Variants in ADAMTS17 observed in about 807,000 individuals in gnomAD.
The protein encoded by ADAMTS17 is A disintegrin and metalloproteinase with thrombospondin motifs 17.
ADAMTS17 carries 113 observed loss-of-function variants against 141.5 expected under a neutral mutation model. The ratio of observed to expected loss-of-function variants is 0.80; its 90% CI spans 0.69 to 0.93. ADAMTS17 has a LOEUF of 0.93. ADAMTS17 is among the 40% of genes least tolerant of loss of function. The probability of loss-of-function intolerance (pLI) is 0.00; values close to 1 mark genes in which losing one functional copy is unlikely to be tolerated. For synonymous variants in ADAMTS17, 768 were observed against 630.6 expected, an observed-to-expected ratio of 1.22 and a Z score of -3.27; for missense variants, 1,659 against 1,517.9, an observed-to-expected ratio of 1.09 and a Z score of -1.54.
intron 18 of ADAMTS17, among the ~76,000 whole-genome samples, chr15:100,027,043 T>C (rs1419340093): frequency 2.6e-5 from 4 of 152,212 alleles, no homozygotes; most frequent in Non-Finnish European, 5.9e-5. Flanking sequence ...AAGTGGAGAA[T>C]ACAGGTGAAG....
chr15:100,048,283 TCA>T (rs1374932228), intron 18 of ADAMTS17, among the ~76,000 whole-genome samples: 3 of 152,096 alleles, frequency 2.0e-5, no homozygotes, highest in African/African-American at 7.2e-5. Context: ...CTAAAATGAC[TCA>T]AAAAGAGGAG....
chr15:99,976,085 G>C lies in ADAMTS17; in HGVS notation c.3087C>G (p.Asn1029Lys), dbSNP rs543118609. 1.3e-6 allele frequency: 2 copies of C among 1,551,748 alleles called. No individual in the cohort carries two copies. Among genetic ancestry groups the C allele is most frequent in the East Asian group, 4.9e-5 (2 of 40,948 alleles). Reference sequence around the variant, plus strand: ...TGATGGTGTTGGCGTTGATCCTGTCGTTGCAGACCTCCTGGTAGCACTGTC... The same window carrying C: ...TGATGGTGTTGGCGTTGATCCTGTCCTTGCAGACCTCCTGGTAGCACTGTC... ...PYRQCYQEVCNDRINANTITS... is the reference protein window; with the variant it reads ...PYRQCYQEVCKDRINANTITS... The change falls in exon 21 of 22, where the codon AAC (asparagine) becomes AAG (lysine). Residue 1029 changes from asparagine (N) to lysine (K), a missense_variant. Asn to Lys is a moderately conservative substitution (Grantham distance 94). Coordinates refer to ENST00000268070, the MANE Select transcript of ADAMTS17 (RefSeq NM_139057.4).
chr15:100,150,699 T>C (rs1364629241), intron 10 of ADAMTS17, among the ~76,000 whole-genome samples: 1 of 152,084 alleles, frequency 6.6e-6, no homozygotes, highest in Non-Finnish European at 1.5e-5. Context: ...TCCTGCCCTG[T>C]AGGGCCAGCT....
chr15:100,087,099 C>G (rs1185866716), intron 15 of ADAMTS17, among the ~76,000 whole-genome samples: 3 of 152,036 alleles, frequency 2.0e-5, no homozygotes, highest in South Asian at 2.1e-4. Flanking sequence ...ACTAGCAAGA[C>G]TAATAAAGAA....
chr15:100,068,023 T>C (rs908638803), intron 15 of ADAMTS17, among the ~76,000 whole-genome samples: 1 of 152,118 alleles, frequency 6.6e-6, no homozygotes, highest in African/African-American at 2.4e-5. Flanking sequence ...GGGTGACAGA[T>C]GGCACCTGGA....
rs939436149 is a variant in ADAMTS17 at position 100,015,900 on chromosome 15, TG to T, written c.2592-18312del. On this transcript the variant is annotated intron_variant, in intron 18 of 21. Transcript: ENST00000268070. ...ACGTGTTCCTTGTGCTTCTTGTATT[TG>T]GATGTCTAGGTCTCTAGCAAGGCTG... Among the ~76,000 whole-genome samples the T allele has an allele frequency of 5.8e-4, 88 of 152,376 alleles. 2 individuals carry two copies. Among genetic ancestry groups the T allele is most frequent in the Admixed American group, 5.0e-3 (77 of 15,310 alleles).
Position 100,341,100 on chromosome 15 carries a change from C to G in ADAMTS17, c.389G>C (p.Arg130Pro). 1 of 1,514,058 alleles carries G rather than the reference C, an allele frequency of 6.6e-7. No homozygotes were observed. Among genetic ancestry groups the G allele is most frequent in the East Asian group, 2.6e-5 (1 of 38,970 alleles). 93.8% of individuals were successfully genotyped at this position (1,514,058 alleles called of 1,614,324 possible). ...RPAELCFYSG[R>P]VLGHPGSLVS... is the part of the protein sequence containing the mutation. ...GAGGGAGCCGGGGTGGCCGAGCACA[C>G]GGCCCGAGTAGAAGCACAGCTCGGC... The change falls in exon 2 of 22, where the codon CGT (arginine) becomes CCT (proline). Residue 130 changes from arginine (R) to proline (P), a missense_variant. Transcript: ENST00000268070.
chr15:100,113,923 G>C (rs2036949897), intron 13 of ADAMTS17, among the ~76,000 whole-genome samples: 2 of 152,230 alleles, frequency 1.3e-5, no homozygotes, highest in Non-Finnish European at 2.9e-5. Flanking sequence ...CCCATGGCCT[G>C]CTGGCCTGGG....
intron 18 of ADAMTS17, among the ~76,000 whole-genome samples, chr15:99,998,422 G>A (rs1045194859): frequency 4.6e-5 from 7 of 152,268 alleles, no homozygotes; most frequent in Admixed American, 2.0e-4. Context: ...GGCCAACATG[G>A]TGAAACCCCG....
intron 14 of ADAMTS17, among the ~76,000 whole-genome samples, chr15:100,097,858 G>A (rs562956666): frequency 6.6e-6 from 1 of 152,306 alleles, no homozygotes; most frequent in African/African-American, 2.4e-5. Context: ...TAATCCTCAG[G>A]TCTCATCCTC....
chr15:100,340,887 G>A (rs2046343266), intron 2 of ADAMTS17, 152 bp downstream of exon 2: 1 of 1,211,298 alleles, frequency 8.3e-7, no homozygotes, highest in Admixed American at 2.2e-5. Flanking sequence ...GGCCGGGGTG[G>A]GGGATGGGGA....
At chr15:100,196,523 T>C (rs1356728527) in intron 8 of ADAMTS17, among the ~76,000 whole-genome samples, 1 of 152,256 alleles carries the variant, frequency 6.6e-6, no homozygotes, top group East Asian at 1.9e-4. Context: ...AGCCACACCT[T>C]TGCGTGCTGT....
intron 9 of ADAMTS17, among the ~76,000 whole-genome samples, chr15:100,154,264 T>C (rs2039325963): frequency 6.6e-6 from 1 of 152,178 alleles, no homozygotes; most frequent in Admixed American, 6.5e-5. Context: ...GCTTACAGCA[T>C]TTCCTAAGAT....
At chr15:100,269,486 T>C (rs1056254738) in intron 4 of ADAMTS17, among the ~76,000 whole-genome samples, 2 of 152,208 alleles carry the variant, frequency 1.3e-5, no homozygotes, top group Admixed American at 6.5e-5. Flanking sequence ...ACAGCATCTA[T>C]TGCTGTATTC....
At chr15:100,071,458 A>G (rs11632678) in intron 15 of ADAMTS17, among the ~76,000 whole-genome samples, 103,633 of 149,070 alleles carry the variant, frequency 0.7, 40,221 homozygotes, top group Non-Finnish European at 0.85. Context: ...ATTTTAGACC[A>G]ATATCCCTGA....
intron 18 of ADAMTS17, among the ~76,000 whole-genome samples, chr15:99,998,208 A>C (rs184902927): frequency 1.3e-5 from 2 of 152,238 alleles, no homozygotes; most frequent in Non-Finnish European, 2.9e-5. Flanking sequence ...TGCTTTCCAG[A>C]GCCTGGGCCC....
chr15:100,199,195 C>G, intron 8 of ADAMTS17, 123 bp downstream of exon 8: 1 of 923,942 alleles, frequency 1.1e-6, no homozygotes, highest in Non-Finnish European at 1.8e-6. Context: ...GACCTGGGTC[C>G]TTTATTGCAG....
At chr15:100,132,249 T>C in intron 11 of ADAMTS17, 97 bp from the exon 12 acceptor site, 1 of 1,493,238 alleles carries the variant, frequency 6.7e-7, no homozygotes, top group Middle Eastern at 2.2e-4. Context: ...AAAAACCCAT[T>C]TGCTAAATTT....
At chr15:100,337,126 G>A (rs1427590783) in intron 2 of ADAMTS17, among the ~76,000 whole-genome samples, 4 of 152,156 alleles carry the variant, frequency 2.6e-5, no homozygotes, top group African/African-American at 4.8e-5. Context: ...CACCCACCTC[G>A]GCCTTCCAAA....
Sources: allele counts gnomAD v4.1 joint callset (sites outside exome capture counted in the v4.1 genomes callset), GRCh38; gene constraint gnomAD v4.1.1; transcripts MANE v1.5; gene names NCBI Gene and HGNC (gene_info 2026-07-23, HGNC 2026-07-21).